Variants in NEDD9 observed in about 807,000 individuals in gnomAD.
The protein encoded by NEDD9 is enhancer of filamentation 1.
A neutral mutation model predicts 76.6 loss-of-function variants in NEDD9; 26 were observed. The ratio of observed to expected loss-of-function variants is 0.34; its 90% CI spans 0.25 to 0.47. The LOEUF is 0.47. Ranked by LOEUF, NEDD9 falls within the 20% of genes least tolerant of loss-of-function variation. The pLI, the probability that NEDD9 is intolerant of heterozygous loss-of-function variation, is 1.00. For synonymous variants in NEDD9, 392 were observed against 414.2 expected, an observed-to-expected ratio of 0.95 and a Z score of 0.65; for missense variants, 937 against 1,058.5, an observed-to-expected ratio of 0.89 and a Z score of 1.59.
intron 3 of NEDD9, among the ~76,000 whole-genome samples, chr6:11,276,406 TGCACGTGTGTGTGC>T (rs1360183024): frequency 1.3e-5 from 2 of 152,236 alleles, no homozygotes; most frequent in African/African-American, 2.4e-5. Flanking sequence ...CATGTGTGTG[TGCACGTGTGTGTGC>T]GCACGCGCAC....
chr6:11,249,495 C>A (rs1759872151), intron 3 of NEDD9, among the ~76,000 whole-genome samples: 1 of 152,044 alleles, frequency 6.6e-6, no homozygotes, highest in Non-Finnish European at 1.5e-5. Flanking sequence ...GAAAAAAGTG[C>A]CTCCTCCCTG....
At chr6:11,381,958 T>A (rs770075273) in intron 1 of NEDD9, among the ~76,000 whole-genome samples, 14 of 152,162 alleles carry the variant, frequency 9.2e-5, no homozygotes, top group Non-Finnish European at 1.9e-4. Flanking sequence ...CACCTCCAGG[T>A]CAACTTGGAG....
rs145403433 is a variant in NEDD9, at chr6:11,185,306, G to T, written c.2361C>A (p.Leu787=). ...MNSSNQLCEQ[L]KTIVMATKMA... ...TCTTGGTTGCCATGACTATGGTCTT[G>T]AGCTGCTCGCAGAGCTGGTTGCTGG... is the stretch of plus-strand genomic sequence containing the variant. The change falls in exon 7 of 7, where the codon CTC becomes CTA. Residue 787 remains leucine, a synonymous_variant. Transcript: ENST00000379446. 1 of 1,614,036 alleles carries T rather than the reference G, an allele frequency of 6.2e-7. No individual in the cohort carries two copies. The highest frequency in any genetic ancestry group is 1.3e-5 in the African/African-American group (1 of 74,906).
In NEDD9 at chr6:11,318,521, T is replaced by G. The variant is rs149518270; in HGVS notation, c.-152-12366A>C. Among the ~76,000 whole-genome samples, 583 of 152,278 alleles carry G rather than the reference T, an allele frequency of 3.8e-3. 6 individuals are homozygous for G. The East Asian group carries it at 0.046, about 12-fold the overall frequency. On this transcript the variant is annotated intron_variant, in intron 2 of 3. Coordinates refer to the NEDD9 transcript ENST00000397378. The stretch of plus-strand genomic sequence containing the variant: ...ATAATTAGAATTCACCTTCAGACTT[T>G]GCTGTCTTACCATTTCGTCTCATAG...
chr6:11,245,588 T>G (rs1759790677), intron 3 of NEDD9, among the ~76,000 whole-genome samples: 1 of 152,170 alleles, frequency 6.6e-6, no homozygotes, highest in Non-Finnish European at 1.5e-5. Flanking sequence ...CTTAAATACC[T>G]ATTACAGTAG....
intron 2 of NEDD9, among the ~76,000 whole-genome samples, chr6:11,323,322 A>G (rs922856951): frequency 3.3e-5 from 5 of 152,254 alleles, no homozygotes; most frequent in African/African-American, 1.2e-4. Context: ...ATAGTGCTAG[A>G]AGGAAGCCAA....
intron 1 of NEDD9, among the ~76,000 whole-genome samples, chr6:11,336,042 C>T (rs956534317): frequency 3.3e-5 from 5 of 152,158 alleles, no homozygotes; most frequent in Admixed American, 1.3e-4. Context: ...GCTTGAGACA[C>T]GACATGCCCC....
chr6:11,303,126 C>T (rs1357569869), intron 3 of NEDD9, among the ~76,000 whole-genome samples: 1 of 152,224 alleles, frequency 6.6e-6, no homozygotes, highest in East Asian at 1.9e-4. Context: ...CCCATTGTCT[C>T]AGCCCAAAAT....
chr6:11,330,976 G>A (rs1762024996), intron 2 of NEDD9, among the ~76,000 whole-genome samples: 1 of 152,154 alleles, frequency 6.6e-6, no homozygotes, highest in Non-Finnish European at 1.5e-5. Context: ...ATGGAATATT[G>A]TGTAGATACT....
intron 3 of NEDD9, among the ~76,000 whole-genome samples, chr6:11,264,928 G>C (rs1444621397): frequency 1.3e-5 from 2 of 152,134 alleles, no homozygotes; most frequent in African/African-American, 4.8e-5. Context: ...CAAACTCCTA[G>C]GCTCAAGTGA....
rs201488134 is a variant in NEDD9 at position 11,190,131 on chromosome 6, G to T, written c.1738C>A (p.Pro580Thr). The T allele has an allele frequency of 2.5e-6, 4 of 1,613,634 alleles. No individual in the cohort carries two copies. Among genetic ancestry groups the T allele is most frequent in the Non-Finnish European group, 8.5e-7 (1 of 1,179,662 alleles). The change falls in exon 5 of 7, where the codon CCA becomes ACA. Residue 580 changes from proline to threonine, a missense_variant. Coordinates refer to ENST00000379446, the MANE Select transcript of NEDD9 (RefSeq NM_006403.4). The surrounding 1 kb of genome is among the most constrained non-coding windows in gnomAD (Gnocchi z 5.8). ...AGCTGTCCCTGGGAGCCACCGTGTG[G>T]GTACTCCGTTGAGTTCATGATGCTC... ...PESIMNSTEY[P>T]HGGSQGQLLH...
At chr6:11,259,314 G>A (rs1760060938) in intron 3 of NEDD9, among the ~76,000 whole-genome samples, 1 of 152,204 alleles carries the variant, frequency 6.6e-6, no homozygotes, top group Admixed American at 6.5e-5. Flanking sequence ...GGCCAACCTG[G>A]AAGGGGGCAG....
chr6:11,197,122 A>G (rs771304241), intron 2 of NEDD9, among the ~76,000 whole-genome samples: 6 of 152,164 alleles, frequency 3.9e-5, no homozygotes, highest in Non-Finnish European at 7.4e-5. Context: ...GGGGACCTCA[A>G]GTTTGGAAGA....
In NEDD9 at chr6:11,266,255, C is replaced by T. The variant is rs553763517; in HGVS notation, c.12+39737G>A. Among the ~76,000 whole-genome samples the T allele has an allele frequency of 1.9e-4, 29 of 152,196 alleles. No individual in the cohort carries two copies. In the South Asian group the frequency reaches 2.1e-3, roughly 11 times the overall value. On this transcript the variant is annotated intron_variant, in intron 3 of 3. Transcript: ENST00000397378. ...GGGTGATTTTGCACCCCTCCCCCCT[C>T]ACTTACTCCAGGGAACATTTTTCCA...
At position 11,241,556 on chromosome 6, in the gene NEDD9, C is replaced by A. The variant is rs1759707405; in HGVS notation, c.13-27829G>T. 1.3e-5 allele frequency among the ~76,000 whole-genome samples: 2 copies of A among 152,200 alleles called. No homozygotes were observed. The highest frequency in any genetic ancestry group is 6.5e-5 in the Admixed American group (1 of 15,280). On this transcript the variant is annotated intron_variant, in intron 3 of 3. Coordinates refer to the NEDD9 transcript ENST00000397378. The surrounding 1 kb of genome is among the most constrained non-coding windows in gnomAD (Gnocchi z 4.0). ...GAGCTTTGCCATTCTCCAGCGCACA[C>A]TGGCCTCCGGAAGCCATCTTCCACA...
At chr6:11,311,443 G>T (rs1271353699) in intron 2 of NEDD9, among the ~76,000 whole-genome samples, 2 of 152,198 alleles carry the variant, frequency 1.3e-5, no homozygotes, top group African/African-American at 4.8e-5. Context: ...CTCCCGAGCT[G>T]TGAAACGATC....
intron 1 of NEDD9, among the ~76,000 whole-genome samples, chr6:11,362,501 G>A (rs2113555084): frequency 6.6e-6 from 1 of 152,278 alleles, no homozygotes; most frequent in African/African-American, 2.4e-5. Flanking sequence ...TGAGCACTTT[G>A]ATTCTTATAT....
At chr6:11,344,531 C>T (rs1197882217) in intron 1 of NEDD9, among the ~76,000 whole-genome samples, 1 of 152,204 alleles carries the variant, frequency 6.6e-6, no homozygotes. Flanking sequence ...AATAAGATTC[C>T]AATCTACAAA....
At chr6:11,261,219 A>G (rs1760105225) in intron 3 of NEDD9, among the ~76,000 whole-genome samples, 1 of 152,194 alleles carries the variant, frequency 6.6e-6, no homozygotes, top group South Asian at 2.1e-4. Flanking sequence ...TCCGATTATC[A>G]AGCGTTTTCA....
Sources: gnomAD v4.1 joint callset for allele counts (sites outside exome capture counted in the v4.1 genomes callset) on GRCh38, gnomAD v4.1.1 for gene constraint, Gnocchi (gnomAD v3.1) non-coding constraint, MANE v1.5 for transcripts, NCBI Gene and HGNC (gene_info 2026-07-23, HGNC 2026-07-21) for gene names.